The following HSP90AB1 variants were observed in gnomAD, a reference collection of about 807,000 sequenced individuals.
HSP90AB1 encodes the protein heat shock protein 90 alpha family class B member 1, also known as heat shock protein HSP 90-beta.
HSP90AB1 carries 17 observed loss-of-function variants against 67.8 expected under a neutral mutation model. The ratio of observed to expected loss-of-function variants is 0.25; its 90% CI spans 0.17 to 0.38. The LOEUF is 0.38. Ranked by LOEUF, HSP90AB1 falls within the 10% of genes least tolerant of loss-of-function variation. HSP90AB1 has a pLI of 1.00. For missense variants in HSP90AB1, 690 were observed against 899.9 expected, an observed-to-expected ratio of 0.77 and a Z score of 2.98; for synonymous variants, 390 against 312.9, an observed-to-expected ratio of 1.25 and a Z score of -2.60.
In HSP90AB1 at chr6:44,252,036, G is replaced by A; in HGVS notation, c.1500G>A (p.Val500=). ...AGCAGGTGGCCAACTCAGCTTTTGT[G>A]GAGCGAGTGCGGAAACGGGGCTTCG... ...SKEQVANSAF[V]ERVRKRGFEV... The change falls in exon 10 of 12, where the codon GTG becomes GTA. Residue 500 remains valine, a synonymous_variant. Coordinates refer to ENST00000371646, the MANE Select transcript of HSP90AB1 (RefSeq NM_007355.4). 6.2e-7 allele frequency: 1 copy of A among 1,614,176 alleles called. No homozygotes were observed. Among genetic ancestry groups the A allele is most frequent in the Non-Finnish European group, 8.5e-7 (1 of 1,180,032 alleles).
intron 8 of HSP90AB1, 21 bp from the exon 9 acceptor site, chr6:44,251,716 T>C (rs1391797372): frequency 6.2e-7 from 1 of 1,608,434 alleles, no homozygotes; most frequent in Non-Finnish European, 8.5e-7. Context: ...TGGATTGTTT[T>C]TCCTCTTCCC....
intron 4 of HSP90AB1, 32 bp from the exon 5 acceptor site, chr6:44,249,988 AC>A (rs1467150731): frequency 6.2e-7 from 1 of 1,612,762 alleles, no homozygotes; most frequent in Non-Finnish European, 8.5e-7. Context: ...TATACTTTTT[AC>A]CCTGTTACAC....
At chr6:44,252,495 CTTTT>C (rs34368867) in intron 10 of HSP90AB1, among the ~76,000 whole-genome samples, 1 of 149,044 alleles carries the variant, frequency 6.7e-6, no homozygotes, top group Non-Finnish European at 1.5e-5. Flanking sequence ...CCATCATTTT[CTTTT>C]TTTTTTCTTT....
intron 2 of HSP90AB1, 72 bp downstream of exon 2, chr6:44,248,848 T>C: frequency 6.9e-7 from 1 of 1,444,660 alleles, no homozygotes; most frequent in Non-Finnish European, 9.5e-7. Flanking sequence ...AAAGGAGTGG[T>C]TTGGCCTTTG....
intron 5 of HSP90AB1, 52 bp from the exon 6 acceptor site, chr6:44,250,239 T>C (rs973879992): frequency 2.8e-5 from 45 of 1,610,172 alleles, no homozygotes; most frequent in Non-Finnish European, 3.6e-5. Context: ...GGCTTTTGCT[T>C]TCCCTGGTAG....
In HSP90AB1 at chr6:44,253,667, G is replaced by A. The variant is rs11538984; in HGVS notation, c.*69G>A. 3.4e-5 allele frequency: 40 copies of A among 1,166,122 alleles called. No individual in the cohort carries two copies. Among genetic ancestry groups the A allele is most frequent in the Middle Eastern group, 1.9e-4 (1 of 5,208 alleles). The allele number at this position is 1,166,122 out of a possible 1,614,324, so 72.2% of individuals were successfully genotyped here. The stretch of plus-strand genomic sequence containing the variant: ...CCCCATGGGCTCCCACTGCAGCCTC[G>A]AGTGCCCCTGTCCCACCTGGCTCCC... On this transcript the variant is annotated 3_prime_UTR_variant, in exon 12 of 12. Transcript: ENST00000371646.
intron 6 of HSP90AB1, 131 bp from the exon 7 acceptor site, chr6:44,250,917 C>T (rs1780562894): frequency 6.3e-6 from 5 of 799,334 alleles, no homozygotes; most frequent in Admixed American, 2.2e-5. Flanking sequence ...TCAGTTTTCT[C>T]AGGAGCTGCT....
chr6:44,250,264 A>T, intron 5 of HSP90AB1, 27 bp from the exon 6 acceptor site: 2 of 1,611,744 alleles, frequency 1.2e-6, no homozygotes, highest in Non-Finnish European at 1.7e-6. Context: ...TTGTACTCCA[A>T]GGCTAACTTC....
rs1781018619 is a variant in HSP90AB1, at chr6:44,253,626, T to G, written c.*28T>G. The stretch of plus-strand genomic sequence containing the variant: ...TAGGAGTTCATAGTTGGAAAACTTG[T>G]GCCCTTGTATAGTGTCCCCATGGGC... On this transcript the variant is annotated 3_prime_UTR_variant, in exon 12 of 12. Transcript: ENST00000371646. The G allele has an allele frequency of 1.9e-6, 3 of 1,571,250 alleles. No homozygotes were observed. Among genetic ancestry groups the G allele is most frequent in the Middle Eastern group, 1.7e-4 (1 of 5,984 alleles).
chr6:44,251,163 GC>G lies in HSP90AB1; in HGVS notation c.1075del (p.Arg359ValfsTer11). 1 of 1,614,124 alleles carries G rather than the reference GC, an allele frequency of 6.2e-7. No individual in the cohort carries two copies. The highest frequency in any genetic ancestry group is 2.2e-5 in the East Asian group (1 of 44,884). On this transcript the variant is annotated frameshift_variant, in exon 7 of 12. Transcript: ENST00000371646. LOFTEE classifies it high-confidence loss of function. Reference protein sequence around the residue: ...KKKNNIKLYVRRVFIMDSCDE... With the variant: ...KKKNNIKLYVXRVFIMDSCDE... ...AAGAACAACATCAAACTCTATGTCC[GC>G]CGTGTGTTCATCATGGACAGCTGTG...
chr6:44,250,445 A>G lies in HSP90AB1; in HGVS notation c.803A>G (p.Lys268Arg). 6.2e-7 allele frequency: 1 copy of G among 1,614,060 alleles called. No individual in the cohort carries two copies. The highest frequency in any genetic ancestry group is 2.2e-5 in the East Asian group (1 of 44,886). ...EDDSGKDKKK[K>R]TKKIKEKYID... is the part of the protein sequence containing the mutation. ...GACAGCGGTAAGGATAAGAAGAAGA[A>G]AACTAAGAAGATCAAAGAGAAATAC... Residue 268 changes from lysine (K) to arginine (R), a missense_variant, in exon 6 of 12, where the codon AAA becomes AGA. Lys to Arg is a conservative substitution (Grantham distance 26). Around this residue, in one of 7 missense-constraint regions of HSP90AB1, gnomAD observed 146 missense variants for 143.7 expected, o/e 1.02. Transcript: ENST00000371646.
At chr6:44,252,559 G>C (rs954276116) in intron 10 of HSP90AB1, among the ~76,000 whole-genome samples, 3 of 151,828 alleles carry the variant, frequency 2.0e-5, no homozygotes, top group East Asian at 3.9e-4. Flanking sequence ...GCAGTGGCAC[G>C]ATCTCTGCTC....
Position 44,253,026 on chromosome 6 carries a change from C to G in HSP90AB1, c.1732-19C>G. 6.2e-7 allele frequency: 1 copy of G among 1,601,238 alleles called. No homozygotes were observed. The highest frequency in any genetic ancestry group is 8.6e-7 in the Non-Finnish European group (1 of 1,168,918). The stretch of plus-strand genomic sequence containing the variant: ...TCAAAGTGGTAATGTCAATCTAAGG[C>G]TTTTGTGATCGTCCACAGGTGACAA... On this transcript the variant is annotated intron_variant, in intron 10 of 11. Coordinates refer to ENST00000371646, the MANE Select transcript of HSP90AB1 (RefSeq NM_007355.4).
At chr6:44,253,402 T>C (rs777839391) in intron 11 of HSP90AB1, 24 bp downstream of exon 11, 1 of 1,604,396 alleles carries the variant, frequency 6.2e-7, no homozygotes, top group African/African-American at 1.4e-5. Flanking sequence ...GTACTTGGTG[T>C]GGCAAGGAGT....
At position 44,248,708 on chromosome 6, in the gene HSP90AB1, C is replaced by G; in HGVS notation, c.79C>G (p.Leu27Val). The G allele has an allele frequency of 6.2e-7, 1 of 1,613,904 alleles. No homozygotes were observed. Among genetic ancestry groups the G allele is most frequent in the Non-Finnish European group, 8.5e-7 (1 of 1,179,730 alleles). Reference protein sequence around the residue: ...FQAEIAQLMSLIINTFYSNKE... With the variant: ...FQAEIAQLMSVIINTFYSNKE... ...GGCAGAAATTGCCCAACTCATGTCC[C>G]TCATCATCAATACCTTCTATTCCAA... The change falls in exon 2 of 12, where the codon CTC becomes GTC. Residue 27 changes from leucine to valine, a missense_variant. Leu to Val is a conservative substitution (Grantham distance 32). Transcript: ENST00000371646.
At position 44,251,618 on chromosome 6, in the gene HSP90AB1, C is replaced by CA; in HGVS notation, c.1314+13dup. ...CTCTAAAAATCTCAAGGTAAAAAGG[C>CA]AAATAATGCTTATTCCCTTTACCAC... is the stretch of plus-strand genomic sequence containing the variant. On this transcript the variant is annotated intron_variant, in intron 8 of 11. Transcript: ENST00000371646. 1 of 1,595,604 alleles carries CA rather than the reference C, an allele frequency of 6.3e-7. No individual in the cohort carries two copies.
rs1201955052 is a variant in HSP90AB1, at chr6:44,253,242, G to T, written c.1929G>T (p.Glu643Asp). Residue 643 changes from glutamate to aspartate, a missense_variant, in exon 11 of 12, where the codon GAG becomes GAT. Transcript: ENST00000371646. Reference sequence around the variant, plus strand: ...TGGAGACGCTGCGGCAGAAGGCTGAGGCCGACAAGAATGATAAGGCAGTTA... The same window carrying T: ...TGGAGACGCTGCGGCAGAAGGCTGATGCCGACAAGAATGATAAGGCAGTTA... ...PIVETLRQKAEADKNDKAVKD... is the reference protein window; with the variant it reads ...PIVETLRQKADADKNDKAVKD... 3 of 1,614,226 alleles carry T rather than the reference G, an allele frequency of 1.9e-6. No individual in the cohort carries two copies. The East Asian group carries it at 6.7e-5, about 36-fold the overall frequency.
chr6:44,250,786 C>T (rs79156748), intron 6 of HSP90AB1, among the ~76,000 whole-genome samples, 187 bp downstream of exon 6: 1,774 of 152,312 alleles, frequency 0.012, 19 homozygotes, highest in South Asian at 0.034. Flanking sequence ...ACCTCACTTT[C>T]TCTTCTTATG....
At chr6:44,251,345 T>A in intron 7 of HSP90AB1, 73 bp from the exon 8 acceptor site, 2 of 1,538,040 alleles carry the variant, frequency 1.3e-6, no homozygotes, top group Non-Finnish European at 1.8e-6. Context: ...TATTAGAGCC[T>A]TCTGTTTGAA....
Sources: allele counts gnomAD v4.1 joint callset (sites outside exome capture counted in the v4.1 genomes callset), GRCh38; gene constraint gnomAD v4.1.1; regional missense constraint gnomAD v4.1.1; transcripts MANE v1.5; gene names NCBI Gene and HGNC (gene_info 2026-07-23, HGNC 2026-07-21).